Variants in PIK3C2A observed in about 807,000 individuals in gnomAD.
PIK3C2A encodes phosphatidylinositol-4-phosphate 3-kinase catalytic subunit type 2 alpha.
In PIK3C2A, 97 loss-of-function variants were observed where a neutral mutation model predicts 204.5. The ratio of observed to expected loss-of-function variants is 0.47; its 90% CI spans 0.40 to 0.56. The LOEUF (loss-of-function observed/expected upper bound fraction) is 0.56, where lower values mean the gene tolerates loss of function less well. Among genes scored for constraint, PIK3C2A ranks in the 20% least tolerant of loss-of-function variants. The pLI is 0.00. For missense variants in PIK3C2A, 1,735 were observed against 1,969.2 expected (o/e 0.88, Z 2.25); for synonymous variants, 653 against 664.4 (o/e 0.98, Z 0.26).
intron 26 of PIK3C2A, among the ~76,000 whole-genome samples, chr11:17,098,580 T>G (rs563533755): frequency 6.6e-6 from 1 of 152,292 alleles, no homozygotes; most frequent in South Asian, 2.1e-4. Context: ...GCTTTGTGGT[T>G]TTGCCCAGGG....
chr11:17,120,519 T>C (rs1009004240), intron 15 of PIK3C2A, among the ~76,000 whole-genome samples: 2 of 151,806 alleles, frequency 1.3e-5, no homozygotes, highest in Admixed American at 6.6e-5. Flanking sequence ...TATATACATA[T>C]ACATGCACTG....
At position 17,107,745 on chromosome 11, in the gene PIK3C2A, G is replaced by C. The variant is rs928139090; in HGVS notation, c.3545-2440C>G. Among the ~76,000 whole-genome samples the C allele has an allele frequency of 9.2e-5, 14 of 152,226 alleles. No homozygotes were observed. The East Asian group carries it at 1.7e-3, about 19-fold the overall frequency. On this transcript the variant is annotated intron_variant, in intron 22 of 32. Coordinates refer to ENST00000691414, the MANE Select transcript of PIK3C2A (RefSeq NM_002645.4). The stretch of plus-strand genomic sequence containing the variant: ...TATATGAAAACAGAGCTCTGCTTTG[G>C]ACAAAGGATTGGAGGAAACAGAAGT...
intron 19 of PIK3C2A, among the ~76,000 whole-genome samples, chr11:17,115,372 GAAAA>G (rs58726258): frequency 3.5e-5 from 3 of 84,596 alleles, no homozygotes; most frequent in East Asian, 3.4e-4. Flanking sequence ...GTCCCTACAA[GAAAA>G]AAAAAAAAAA....
chr11:17,119,952 A>G lies in PIK3C2A; in HGVS notation c.2680T>C (p.Phe894Leu). The change falls in exon 16 of 33, where the codon TTT becomes CTT. Residue 894 changes from phenylalanine (F) to leucine (L), a missense_variant. By Grantham distance (22) the Phe-to-Leu change is conservative. Transcript: ENST00000691414. ...CAATAATAACGTTTCTCCCATAAAA[A>G]AGCTTTATCTTCTTTAGAAAGTCTG... ...SLGLSKEDKA[F>L]LWEKRYYCFK... 6.3e-7 allele frequency: 1 copy of G among 1,584,494 alleles called. No individual in the cohort carries two copies. The highest frequency in any genetic ancestry group is 8.6e-7 in the Non-Finnish European group (1 of 1,158,102).
chr11:17,149,543 TCA>T (rs1030345933), intron 4 of PIK3C2A, among the ~76,000 whole-genome samples: 4 of 152,102 alleles, frequency 2.6e-5, no homozygotes, highest in Non-Finnish European at 5.9e-5. Flanking sequence ...AGAAAAAGAT[TCA>T]CCATTTTAAA....
In PIK3C2A at chr11:17,091,952, T is replaced by G. The variant is rs751990107; in HGVS notation, c.4642+44A>C. On this transcript the variant is annotated intron_variant, in intron 30 of 32. Coordinates refer to ENST00000691414, the MANE Select transcript of PIK3C2A (RefSeq NM_002645.4). ...CACATTCATCGAGAAGTTACAGACT[T>G]GCAGATCATGAGTTACCAATAAAGA... The G allele has an allele frequency of 4.9e-5, 58 of 1,182,434 alleles. No homozygotes were observed. The East Asian group carries it at 1.3e-3, about 27-fold the overall frequency. The allele number at this position is 1,182,434 out of a possible 1,614,324, so 73.2% of individuals were successfully genotyped here.
chr11:17,122,634 T>TA, intron 14 of PIK3C2A, 68 bp downstream of exon 14: 1 of 757,664 alleles, frequency 1.3e-6, no homozygotes, highest in East Asian at 2.5e-5. Context: ...CAAATCATGG[T>TA]ATACACACAC....
At chr11:17,089,952 CAAATT>C (rs780717492) in intron 32 of PIK3C2A, 32 bp from the exon 33 acceptor site, 1 of 1,470,862 alleles carries the variant, frequency 6.8e-7, no homozygotes, top group Non-Finnish European at 9.2e-7. Flanking sequence ...CAGTAAATCA[CAAATT>C]AAAGTTTGTT....
intron 32 of PIK3C2A, 135 bp from the exon 33 acceptor site, chr11:17,090,055 T>C: frequency 1.5e-6 from 1 of 651,730 alleles, no homozygotes. Context: ...ACACATCCGG[T>C]AGGTTTTGTC....
chr11:17,169,629 G>A lies in PIK3C2A; in HGVS notation c.113C>T (p.Ala38Val). Residue 38 changes from alanine (A) to valine (V), a missense_variant, in exon 2 of 33, where the codon GCT (alanine) becomes GTT (valine). This residue lies in a region of PIK3C2A where 536 missense variants were observed against 546.7 expected (regional missense o/e 0.98). Coordinates refer to ENST00000691414, the MANE Select transcript of PIK3C2A (RefSeq NM_002645.4). ...KEEALQMEAEALAKLQKDRQV... is the reference protein window; with the variant it reads ...KEEALQMEAEVLAKLQKDRQV... ...TCTATCCTTTTGCAGTTTTGCTAAA[G>A]CCTCTGCTTCCATCTGTAATGCTTC... The A allele has an allele frequency of 6.2e-7, 1 of 1,613,832 alleles. No individual in the cohort carries two copies. The highest frequency in any genetic ancestry group is 1.1e-5 in the South Asian group (1 of 91,074).
intron 1 of PIK3C2A, among the ~76,000 whole-genome samples, chr11:17,187,473 TACC>T: frequency 6.6e-6 from 1 of 152,186 alleles, no homozygotes. Context: ...TGACCATCAC[TACC>T]ACCAAGTTTC....
At chr11:17,141,974 T>TA (rs1012252117) in intron 8 of PIK3C2A, among the ~76,000 whole-genome samples, 1 of 152,176 alleles carries the variant, frequency 6.6e-6, no homozygotes, top group Non-Finnish European at 1.5e-5. Flanking sequence ...TGCCATTTAT[T>TA]AAAAAGGGAA....
chr11:17,182,567 CAAAA>C (rs11453658), intron 1 of PIK3C2A, among the ~76,000 whole-genome samples: 1 of 91,794 alleles, frequency 1.1e-5, no homozygotes, highest in Non-Finnish European at 2.4e-5. Context: ...GACCCTGTCT[CAAAA>C]AAAAAAAAAA....
chr11:17,107,894 CAG>C (rs35988610), intron 22 of PIK3C2A, among the ~76,000 whole-genome samples: 63,715 of 151,888 alleles, frequency 0.42, 13,697 homozygotes, highest in Non-Finnish European at 0.47. Context: ...TTTTCTGAGA[CAG>C]AGTCTCACTC....
chr11:17,187,494 T>C (rs1851794098), intron 1 of PIK3C2A, among the ~76,000 whole-genome samples: 2 of 152,174 alleles, frequency 1.3e-5, no homozygotes, highest in Non-Finnish European at 2.9e-5. Context: ...TTCAGAACAC[T>C]TTCATCACCC....
In PIK3C2A at chr11:17,150,530, C is replaced by T. The variant is rs1394558881; in HGVS notation, c.1295G>A (p.Gly432Glu). 6.2e-7 allele frequency: 1 copy of T among 1,608,250 alleles called. No homozygotes were observed. Among genetic ancestry groups the T allele is most frequent in the Non-Finnish European group, 8.5e-7 (1 of 1,177,380 alleles). The change falls in exon 4 of 33, where the codon GGA becomes GAA. Residue 432 changes from glycine (G) to glutamate (E), a missense_variant. By Grantham distance (98) the Gly-to-Glu change is moderately conservative (BLOSUM62 -2). This residue lies in a region of PIK3C2A where 536 missense variants were observed against 546.7 expected (regional missense o/e 0.98). Coordinates refer to ENST00000691414, the MANE Select transcript of PIK3C2A (RefSeq NM_002645.4). ...ASVKVSIDIE[G>E]FQLPVTFTCD... ...CGTAAAAGTAACTGGTAGCTGAAAT[C>T]CTTCAATGTCAATGGAGACCTTCAC... is the stretch of plus-strand genomic sequence containing the variant.
At chr11:17,125,590 T>G (rs1321246789) in intron 13 of PIK3C2A, among the ~76,000 whole-genome samples, 1 of 152,058 alleles carries the variant, frequency 6.6e-6, no homozygotes, top group Non-Finnish European at 1.5e-5. Flanking sequence ...TTCGCCTCAC[T>G]GCAAAACTCC....
At chr11:17,131,517 A>G (rs1408190225) in intron 12 of PIK3C2A, among the ~76,000 whole-genome samples, 3 of 143,012 alleles carry the variant, frequency 2.1e-5, no homozygotes, top group South Asian at 2.2e-4. Flanking sequence ...TGCCTCCCGG[A>G]TTCATGACAT....
intron 1 of PIK3C2A, among the ~76,000 whole-genome samples, chr11:17,174,066 T>C (rs11820060): frequency 0.059 from 8,904 of 151,854 alleles, 658 homozygotes; most frequent in African/African-American, 0.17. Context: ...CCTCAAGTGA[T>C]CCACCTGCCT....
Sources: allele counts gnomAD v4.1 joint callset (sites outside exome capture counted in the v4.1 genomes callset), GRCh38; gene constraint gnomAD v4.1.1; regional missense constraint gnomAD v4.1.1; transcripts MANE v1.5; gene names NCBI Gene and HGNC (gene_info 2026-07-23, HGNC 2026-07-21).